Variants in PASD1 observed in about 807,000 individuals in gnomAD.
PASD1 encodes the protein circadian clock protein PASD1.
PASD1 carries 13 observed loss-of-function variants against 58.8 expected under a neutral mutation model. The ratio of observed to expected loss-of-function variants is 0.22; its 90% CI spans 0.14 to 0.35. PASD1 has a LOEUF of 0.35. Among genes scored for constraint, PASD1 ranks in the 10% least tolerant of loss-of-function variants. The probability of loss-of-function intolerance (pLI) is 1.00; values close to 1 mark genes in which losing one functional copy is unlikely to be tolerated. For synonymous variants in PASD1, 236 were observed against 216.7 expected (o/e 1.09, Z -0.78); for missense variants, 734 against 568.3 (o/e 1.29, Z -2.96).
intron 4 of PASD1, among the ~76,000 whole-genome samples, chrX:151,613,781 C>T (rs935153668): frequency 2.0e-4 from 22 of 111,465 alleles, no homozygotes; most frequent in African/African-American, 7.2e-4. Context: ...AAATGTGTCC[C>T]TGTTTTATTG....
intron 9 of PASD1, among the ~76,000 whole-genome samples, chrX:151,652,262 A>G: frequency 8.9e-6 from 1 of 111,985 alleles, no homozygotes. Flanking sequence ...GGCCAGGCAC[A>G]GTGGCTCATG....
intron 1 of PASD1, among the ~76,000 whole-genome samples, chrX:151,578,883 A>G (rs2013047983): frequency 8.9e-6 from 1 of 112,133 alleles, no homozygotes; most frequent in African/African-American, 3.2e-5. Context: ...TGCTTCACTG[A>G]AGAGTTAAAG....
chrX:151,621,653 T>C (rs760096449), intron 6 of PASD1, 61 bp downstream of exon 6: 4 of 795,568 alleles, frequency 5.0e-6, no homozygotes, highest in Non-Finnish European at 7.3e-6. Context: ...CTCACATTAC[T>C]AACATAAATG....
chrX:151,604,482 A>G (rs1325639794), intron 2 of PASD1, among the ~76,000 whole-genome samples, 164 bp from the exon 3 acceptor site: 1 of 112,399 alleles, frequency 8.9e-6, no homozygotes, highest in Non-Finnish European at 1.9e-5. Flanking sequence ...GTTTATGATC[A>G]TTTATATACA....
intron 3 of PASD1, among the ~76,000 whole-genome samples, chrX:151,607,541 G>T (rs891600628): frequency 8.9e-6 from 1 of 111,811 alleles, no homozygotes; most frequent in Admixed American, 9.5e-5. Context: ...TACCAAGCTG[G>T]ATAGAGCTTC....
At chrX:151,637,765 T>C (rs1487434313) in intron 8 of PASD1, among the ~76,000 whole-genome samples, 1 of 111,997 alleles carries the variant, frequency 8.9e-6, no homozygotes, top group Non-Finnish European at 1.9e-5. Context: ...TATTGAATTA[T>C]GGTTTTAATT....
rs1308581518 is a variant in PASD1 at position 151,674,200 on chromosome X, C to T, written c.2175+14C>T. 5.0e-6 allele frequency: 6 copies of T among 1,209,707 alleles called. No homozygotes were observed. The highest frequency in any genetic ancestry group is 1.7e-5 in the African/African-American group (1 of 57,762). ...ACCTACCATCAGGTATGGGACAGCC[C>T]CCTCCTTTTCCTTCCAGCGCAGGTC... On this transcript the variant is annotated intron_variant, in intron 15 of 15. Coordinates refer to ENST00000370357, the MANE Select transcript of PASD1 (RefSeq NM_173493.3).
Position 151,671,664 on chromosome X carries a change from A to T in PASD1, c.1322A>T (p.Gln441Leu), listed in dbSNP as rs2124319524. The change falls in exon 13 of 16, where the codon CAA (glutamine) becomes CTA (leucine). Residue 441 changes from glutamine to leucine, a missense_variant. Gln to Leu is a moderately radical substitution (Grantham distance 113). Transcript: ENST00000370357. ...PKKQQKQHAGQVKRPLPHPKD... is the reference protein window; with the variant it reads ...PKKQQKQHAGLVKRPLPHPKD... ...AAACAACAGAAACAACACGCTGGGC[A>T]AGTGAAGCGGCCTCTCCCACATCCC... is the stretch of plus-strand genomic sequence containing the variant. The T allele has an allele frequency of 8.3e-7, 1 of 1,209,451 alleles. No homozygotes were observed. Among genetic ancestry groups the T allele is most frequent in the Admixed American group, 2.2e-5 (1 of 45,872 alleles).
intron 8 of PASD1, among the ~76,000 whole-genome samples, chrX:151,629,997 T>C (rs1484572154): frequency 8.9e-6 from 1 of 111,738 alleles, no homozygotes; most frequent in Non-Finnish European, 1.9e-5. Context: ...ATAAAAGTGT[T>C]TTCTGAAGGC....
intron 9 of PASD1, among the ~76,000 whole-genome samples, chrX:151,653,862 C>CTTTCTTTCTTT (rs2014190093): frequency 2.7e-5 from 1 of 37,090 alleles, no homozygotes; most frequent in African/African-American, 7.8e-5. Flanking sequence ...CTCCCTCCCT[C>CTTTCTTTCTTT]CCTCCCTCTT....
intron 8 of PASD1, among the ~76,000 whole-genome samples, chrX:151,646,225 A>C (rs2124294081): frequency 8.9e-6 from 1 of 112,248 alleles, no homozygotes; most frequent in South Asian, 3.7e-4. Flanking sequence ...ATACTGGCTT[A>C]TGGAGAGGCA....
chrX:151,635,950 A>T (rs1008926780), intron 8 of PASD1, among the ~76,000 whole-genome samples: 5 of 111,891 alleles, frequency 4.5e-5, no homozygotes, highest in African/African-American at 1.6e-4. Flanking sequence ...GCCATCCCGC[A>T]GTGTATACAT....
intron 2 of PASD1, among the ~76,000 whole-genome samples, chrX:151,602,528 C>A (rs2013431969): frequency 9.1e-6 from 1 of 110,079 alleles, no homozygotes; most frequent in Non-Finnish European, 1.9e-5. Context: ...AACCCCGTCT[C>A]TACTAAAAAT....
At chrX:151,638,190 C>T (rs1435942831) in intron 8 of PASD1, among the ~76,000 whole-genome samples, 1 of 109,318 alleles carries the variant, frequency 9.1e-6, no homozygotes, top group Non-Finnish European at 1.9e-5. Context: ...CAAATTATCA[C>T]AAGGACAGAA....
chrX:151,667,157 G>A (rs1426849703), intron 11 of PASD1, among the ~76,000 whole-genome samples: 3 of 111,993 alleles, frequency 2.7e-5, no homozygotes, highest in African/African-American at 9.8e-5. Context: ...ATTTTTTCAT[G>A]TGTCTTTTGG....
intron 11 of PASD1, among the ~76,000 whole-genome samples, chrX:151,668,775 A>T (rs2014420429): frequency 9.1e-6 from 1 of 109,848 alleles, no homozygotes; most frequent in Admixed American, 9.7e-5. Flanking sequence ...ATTCTACCAG[A>T]GGTACAAGGA....
chrX:151,671,662 G>A lies in PASD1; in HGVS notation c.1320G>A (p.Gly440=). ...VPKKQQKQHA[G]QVKRPLPHPK... ...AGAAACAACAGAAACAACACGCTGG[G>A]CAAGTGAAGCGGCCTCTCCCACATC... The change falls in exon 13 of 16, where the codon GGG becomes GGA. Residue 440 remains glycine, a synonymous_variant. Transcript: ENST00000370357. The A allele has an allele frequency of 8.3e-7, 1 of 1,210,779 alleles. No homozygotes were observed. Among genetic ancestry groups the A allele is most frequent in the Non-Finnish European group, 1.1e-6 (1 of 894,460 alleles).
rs778706681 is a variant in PASD1 at position 151,672,268 on chromosome X, A to G, written c.1523A>G (p.Lys508Arg). 10 of 1,166,359 alleles carry G rather than the reference A, an allele frequency of 8.6e-6. No homozygotes were observed. Among genetic ancestry groups the G allele is most frequent in the South Asian group, 7.6e-5 (4 of 52,566 alleles). ...CTGCAACAGCTGAGAGAGCAAAGGA[A>G]GGTGCAGAAGCAGAAGAAGATGCAG... ...EQLQQLREQRKVQKQKKMQEK... is the reference protein window; with the variant it reads ...EQLQQLREQRRVQKQKKMQEK... The change falls in exon 14 of 16, where the codon AAG becomes AGG. Residue 508 changes from lysine to arginine, a missense_variant. Physicochemically the swap from Lys to Arg is conservative, Grantham distance 26. Coordinates refer to ENST00000370357, the MANE Select transcript of PASD1 (RefSeq NM_173493.3).
chrX:151,583,980 G>A (rs1273878953), intron 1 of PASD1, among the ~76,000 whole-genome samples: 5 of 111,909 alleles, frequency 4.5e-5, no homozygotes, highest in Non-Finnish European at 9.4e-5. Context: ...AGAAGAGTAT[G>A]AATTTAATGG....
Sources: gnomAD v4.1 joint callset for allele counts (sites outside exome capture counted in the v4.1 genomes callset) on GRCh38, gnomAD v4.1.1 for gene constraint, MANE v1.5 for transcripts, NCBI Gene and HGNC (gene_info 2026-07-23, HGNC 2026-07-21) for gene names.